The following KDM6A variants were observed in gnomAD, a reference collection of about 807,000 sequenced individuals.
KDM6A encodes the protein lysine-specific demethylase 6A.
KDM6A carries 11 observed loss-of-function variants against 117.6 expected under a neutral mutation model. The ratio of observed to expected loss-of-function variants is 0.09; its 90% confidence interval spans 0.06 to 0.15. The LOEUF (loss-of-function observed/expected upper bound fraction) is 0.15. Ranked by LOEUF, KDM6A falls within the 10% of genes least tolerant of loss-of-function variation. The pLI, the probability that KDM6A is intolerant of heterozygous loss-of-function variation, is 1.00. For missense variants in KDM6A, 799 were observed against 1,077.3 expected (o/e 0.74, Z 3.62); for synonymous variants, 384 against 396.1 (o/e 0.97, Z 0.36).
At chrX:44,881,230 A>C (rs2032260880) in intron 2 of KDM6A, among the ~76,000 whole-genome samples, 1 of 112,667 alleles carries the variant, frequency 8.9e-6, no homozygotes, top group Non-Finnish European at 1.9e-5. Flanking sequence ...CAGGAGCTCG[A>C]GACCAGCCTG....
intron 2 of KDM6A, among the ~76,000 whole-genome samples, chrX:44,936,343 A>G (rs1028018897): frequency 3.6e-5 from 4 of 110,695 alleles, no homozygotes; most frequent in African/African-American, 1.3e-4. Flanking sequence ...TCAGCCTACC[A>G]TACTTGATTT....
chrX:45,039,255 G>A (rs2042945600), intron 8 of KDM6A, among the ~76,000 whole-genome samples: 1 of 107,867 alleles, frequency 9.3e-6, no homozygotes, highest in African/African-American at 3.4e-5. Context: ...CCATACTCTA[G>A]TTTTTCTAGT....
At chrX:45,085,535 A>G (rs1250227309) in intron 24 of KDM6A, among the ~76,000 whole-genome samples, 1 of 111,773 alleles carries the variant, frequency 8.9e-6, no homozygotes, top group East Asian at 2.8e-4. Flanking sequence ...ATATAGGGAA[A>G]CTGAGTCAGA....
At chrX:44,996,525 C>A (rs1000684569) in intron 4 of KDM6A, among the ~76,000 whole-genome samples, 2 of 109,896 alleles carry the variant, frequency 1.8e-5, no homozygotes, top group African/African-American at 6.6e-5. Context: ...ACTACACATA[C>A]ACTTTGGAAG....
intron 2 of KDM6A, among the ~76,000 whole-genome samples, chrX:44,911,601 C>T (rs144974719): frequency 0.1 from 11,069 of 110,235 alleles, 564 homozygotes; most frequent in East Asian, 0.38. Context: ...CAGGGAGAGA[C>T]GCTCCTCACT....
intron 2 of KDM6A, among the ~76,000 whole-genome samples, chrX:44,942,495 G>A (rs770155434): frequency 1.4e-4 from 15 of 110,374 alleles, no homozygotes; most frequent in Non-Finnish European, 2.5e-4. Flanking sequence ...ATACCATACC[G>A]CCTTGATTGT....
intron 2 of KDM6A, among the ~76,000 whole-genome samples, chrX:44,903,411 G>A (rs1188910298): frequency 8.9e-6 from 1 of 111,921 alleles, no homozygotes; most frequent in Non-Finnish European, 1.9e-5. Context: ...TGACTATAAT[G>A]TGTCTCAGTG....
intron 10 of KDM6A, 70 bp downstream of exon 10, chrX:45,054,025 ATGTT>A: frequency 9.5e-7 from 1 of 1,057,937 alleles, no homozygotes; most frequent in East Asian, 3.0e-5. Context: ...ACAATTTAAA[ATGTT>A]AGTTTACATA....
In KDM6A at chrX:45,085,856, A is replaced by G; in HGVS notation, c.3590-9A>G. The G allele has an allele frequency of 8.8e-7, 1 of 1,135,424 alleles. No homozygotes were observed. The highest frequency in any genetic ancestry group is 3.0e-5 in the East Asian group (1 of 33,488). The allele number at this position is 1,135,424 out of a possible 1,213,427, so 93.6% of individuals were successfully genotyped here. A position where few individuals can be genotyped will look rare whatever the true frequency, so the allele number is the denominator to read the frequency against. ...TGGAGCTCCAATTTTTTTTCTTTTC[A>G]CATTTCAGGTCATCAGGAAAATAAC... is the stretch of plus-strand genomic sequence containing the variant. On this transcript the variant is annotated splice_polypyrimidine_tract_variant and intron_variant, in intron 24 of 29. Coordinates refer to ENST00000611820, the MANE Select transcript of KDM6A (RefSeq NM_001291415.2).
At chrX:45,058,694 T>C (rs1294553896) in intron 10 of KDM6A, among the ~76,000 whole-genome samples, 1 of 110,800 alleles carries the variant, frequency 9.0e-6, no homozygotes, top group African/African-American at 3.3e-5. Flanking sequence ...TGTGTGTGTG[T>C]GTGCACATGT....
chrX:44,874,133 C>T, intron 2 of KDM6A, 146 bp downstream of exon 2: 1 of 530,396 alleles, frequency 1.9e-6, no homozygotes, highest in Non-Finnish European at 3.2e-6. Flanking sequence ...CTCTGCTCTC[C>T]CCCCACCCCC....
At chrX:44,899,858 ATAT>A (rs2034213738) in intron 2 of KDM6A, among the ~76,000 whole-genome samples, 2 of 111,807 alleles carry the variant, frequency 1.8e-5, no homozygotes, top group South Asian at 3.7e-4. Context: ...TTGTCTAAAG[ATAT>A]TATGTCGTGA....
chrX:45,070,215 A>G lies in KDM6A; in HGVS notation c.2716A>G (p.Ile906Val), dbSNP rs2044755402. 8.3e-7 allele frequency: 1 copy of G among 1,209,392 alleles called. No individual in the cohort carries two copies. The highest frequency in any genetic ancestry group is 2.2e-5 in the Admixed American group (1 of 45,742). The stretch of plus-strand genomic sequence containing the variant: ...CAGCCCTCACAGTGGGCTACACACA[A>G]TTAATGGAGAAGGGATGGAAGAATC... The part of the protein sequence containing the change: ...LNSPHSGLHT[I>V]NGEGMEESQS... The change falls in exon 18 of 30, where the codon ATT becomes GTT. Residue 906 changes from isoleucine to valine, a missense_variant. Around this residue, in one of 8 missense-constraint regions of KDM6A, gnomAD observed 291 missense variants for 437.9 expected, o/e 0.66. Transcript: ENST00000611820.
intron 4 of KDM6A, among the ~76,000 whole-genome samples, chrX:44,979,102 A>G (rs1487173218): frequency 8.9e-6 from 1 of 112,067 alleles, no homozygotes; most frequent in Non-Finnish European, 1.9e-5. Context: ...ATGATTTGGG[A>G]ATGCTGAATT....
chrX:44,992,876 G>T (rs975834642), intron 4 of KDM6A, among the ~76,000 whole-genome samples: 1 of 111,483 alleles, frequency 9.0e-6, no homozygotes, highest in African/African-American at 3.3e-5. Flanking sequence ...TTGGAGCAAG[G>T]TATCTAATAA....
chrX:45,025,057 C>A (rs946182127), intron 6 of KDM6A, among the ~76,000 whole-genome samples: 2 of 112,358 alleles, frequency 1.8e-5, no homozygotes, highest in Admixed American at 1.9e-4. Flanking sequence ...TTATCTGAAC[C>A]AGAGTCCATT....
At chrX:45,058,075 T>TCCCC (rs554495782) in intron 10 of KDM6A, among the ~76,000 whole-genome samples, 2 of 38,000 alleles carry the variant, frequency 5.3e-5, no homozygotes, top group African/African-American at 2.1e-4. Flanking sequence ...ACTCTTACTC[T>TCCCC]CCCCCCCCCC....
At chrX:44,963,199 C>T (rs1426818838) in intron 3 of KDM6A, among the ~76,000 whole-genome samples, 5 of 110,996 alleles carry the variant, frequency 4.5e-5, no homozygotes, top group Admixed American at 2.9e-4. Flanking sequence ...CGGTGGCTCA[C>T]GCCTGTGATT....
intron 2 of KDM6A, among the ~76,000 whole-genome samples, chrX:44,879,480 CT>C (rs774042636): frequency 8.9e-6 from 1 of 112,254 alleles, no homozygotes; most frequent in Non-Finnish European, 1.9e-5. Flanking sequence ...GTCTTAAGTA[CT>C]CATATTGAAA....
Sources: gnomAD v4.1 joint callset for allele counts (sites outside exome capture counted in the v4.1 genomes callset) on GRCh38, gnomAD v4.1.1 for gene constraint, gnomAD v4.1.1 regional missense constraint, MANE v1.5 for transcripts, NCBI Gene and HGNC (gene_info 2026-07-23, HGNC 2026-07-21) for gene names.